Variants in LYZL4 observed in about 807,000 individuals in gnomAD.
LYZL4 encodes lysozyme-like protein 4.
Under a neutral mutation model 17.6 loss-of-function variants are expected in LYZL4, and 13 were observed. The ratio of observed to expected loss-of-function variants is 0.74; its 90% CI spans 0.48 to 1.18. LYZL4 has a LOEUF of 1.18. Ranked by LOEUF, LYZL4 falls within the 50% of genes most tolerant of loss-of-function variation. LYZL4 has a pLI of 0.00. For missense variants in LYZL4, 174 were observed against 188.2 expected (o/e 0.92, Z 0.44); for synonymous variants, 64 against 67.7 (o/e 0.95, Z 0.27).
At chr3:42,392,611 C>T (rs953146214), downstream of LYZL4, among the ~76,000 whole-genome samples, 11 of 151,950 alleles carry the variant, frequency 7.2e-5, no homozygotes, top group South Asian at 4.2e-4. Flanking sequence ...GTGAGTATGT[C>T]GGAGGGAAGA....
the LYZL4 span, among the ~76,000 whole-genome samples, chr3:42,376,212 C>A: frequency 6.6e-6 from 1 of 152,342 alleles, no homozygotes; most frequent in African/African-American, 2.4e-5. Context: ...TCCAGGCCTG[C>A]AGTGGAATCC....
At chr3:42,400,208 T>TC (rs1698631417) in intron 4 of LYZL4, among the ~76,000 whole-genome samples, 1 of 152,032 alleles carries the variant, frequency 6.6e-6, no homozygotes, top group Non-Finnish European at 1.5e-5. Flanking sequence ...CTGTCCTTTC[T>TC]CCCCCACCAC....
chr3:42,393,852 C>T (rs149275624), downstream of LYZL4, among the ~76,000 whole-genome samples: 9,061 of 152,184 alleles, frequency 0.06, 831 homozygotes, highest in African/African-American at 0.2. Context: ...AGCGCAGTGG[C>T]GTGATCTCGG....
the LYZL4 span, among the ~76,000 whole-genome samples, chr3:42,374,328 T>C: frequency 1.3e-5 from 2 of 152,184 alleles, no homozygotes; most frequent in Non-Finnish European, 2.9e-5. Context: ...TACTTTAAAT[T>C]ATTCACTCCA....
the LYZL4 span, among the ~76,000 whole-genome samples, chr3:42,392,024 C>T: frequency 6.6e-5 from 10 of 152,126 alleles, no homozygotes; most frequent in African/African-American, 1.7e-4. Context: ...CACACCACCA[C>T]ACCCAACTAA....
At chr3:42,366,991 T>G in the LYZL4 span, among the ~76,000 whole-genome samples, 2 of 152,144 alleles carry the variant, frequency 1.3e-5, no homozygotes, top group African/African-American at 4.8e-5. Flanking sequence ...ATTTGCCGAG[T>G]GATCAAGTGA....
chr3:42,378,112 C>G, the LYZL4 span, among the ~76,000 whole-genome samples: 3 of 152,196 alleles, frequency 2.0e-5, no homozygotes, highest in African/African-American at 4.8e-5. Flanking sequence ...GGGAGCAGAA[C>G]TTGTGAGCCA....
At chr3:42,371,867 C>T in the LYZL4 span, among the ~76,000 whole-genome samples, 290 of 152,324 alleles carry the variant, frequency 1.9e-3, 6 homozygotes, top group East Asian at 0.049. Flanking sequence ...CATGGCAAAA[C>T]AGACTAGAGA....
chr3:42,392,951 C>T (rs1037230583), downstream of LYZL4, among the ~76,000 whole-genome samples: 3 of 152,034 alleles, frequency 2.0e-5, no homozygotes, highest in South Asian at 4.2e-4. Context: ...AACCAAGATG[C>T]CAGGGTGCTG....
chr3:42,385,824 A>T, the LYZL4 span, among the ~76,000 whole-genome samples: 1 of 152,216 alleles, frequency 6.6e-6, no homozygotes, highest in Non-Finnish European at 1.5e-5. Context: ...TAAATAGTAG[A>T]TATTATAAAG....
chr3:42,405,592 C>T (rs1698734856), intron 3 of LYZL4, among the ~76,000 whole-genome samples: 1 of 152,182 alleles, frequency 6.6e-6, no homozygotes, highest in Non-Finnish European at 1.5e-5. Context: ...GCTCAGAAGC[C>T]ACAGGCTCTG....
At chr3:42,408,546 T>C (rs1698805798) in intron 1 of LYZL4, among the ~76,000 whole-genome samples, 1 of 152,210 alleles carries the variant, frequency 6.6e-6, no homozygotes. Context: ...CCTATTGCTC[T>C]CAGAGTCTCT....
At chr3:42,378,051 A>T in the LYZL4 span, among the ~76,000 whole-genome samples, 35 of 152,282 alleles carry the variant, frequency 2.3e-4, no homozygotes, top group African/African-American at 7.9e-4. Flanking sequence ...TGTTTTTTGT[A>T]GACAAAGCCT....
At chr3:42,392,324 G>A (rs924657147), downstream of LYZL4, among the ~76,000 whole-genome samples, 1 of 152,178 alleles carries the variant, frequency 6.6e-6, no homozygotes, top group Admixed American at 6.5e-5. Flanking sequence ...GGTCTTATCT[G>A]ATGGCTTCTA....
the LYZL4 span, among the ~76,000 whole-genome samples, chr3:42,364,860 T>G: frequency 6.6e-6 from 1 of 152,182 alleles, no homozygotes; most frequent in Non-Finnish European, 1.5e-5. Context: ...TAGTAGGTAA[T>G]AAGCTGCCTA....
intron 1 of LYZL4, 79 bp downstream of exon 1, chr3:42,410,338 G>T (rs529171104): frequency 6.6e-6 from 1 of 152,348 alleles, no homozygotes; most frequent in Admixed American, 6.5e-5. Flanking sequence ...TAAGCAATAA[G>T]TGAATTTGCT....
chr3:42,402,378 G>C (rs1698673174), intron 4 of LYZL4, among the ~76,000 whole-genome samples: 1 of 146,372 alleles, frequency 6.8e-6, no homozygotes, highest in East Asian at 1.9e-4. Context: ...CTCACAGAAT[G>C]AAAGATAGTT....
the LYZL4 span, among the ~76,000 whole-genome samples, chr3:42,379,913 G>A: frequency 6.6e-5 from 10 of 152,240 alleles, no homozygotes; most frequent in South Asian, 1.2e-3. Flanking sequence ...TTACAAAAAG[G>A]GAAGGAAACA....
intron 4 of LYZL4, among the ~76,000 whole-genome samples, chr3:42,401,255 G>T (rs1698647375): frequency 1.3e-5 from 2 of 152,048 alleles, no homozygotes; most frequent in African/African-American, 4.8e-5. Flanking sequence ...CTGTTGCCCA[G>T]GCTGGAGTAC....
Sources: allele counts gnomAD v4.1 joint callset (sites outside exome capture counted in the v4.1 genomes callset), GRCh38; gene constraint gnomAD v4.1.1; transcripts MANE v1.5; gene names NCBI Gene and HGNC (gene_info 2026-07-23, HGNC 2026-07-21).